Variants in SAMD12 observed in about 807,000 individuals in gnomAD.
SAMD12 encodes sterile alpha motif domain containing 12, also known as sterile alpha motif domain-containing protein 12.
A neutral mutation model predicts 15.0 loss-of-function variants in SAMD12; 9 were observed. That is an observed-to-expected ratio of 0.60 (90% CI 0.36 to 1.05). The LOEUF is 1.05. SAMD12 is among the 50% of genes least tolerant of loss of function. The probability of loss-of-function intolerance (pLI) is 0.01; values close to 1 mark genes in which losing one functional copy is unlikely to be tolerated. For synonymous variants in SAMD12, 86 were observed against 90.1 expected (o/e 0.96, Z 0.25); for missense variants, 230 against 234.2 (o/e 0.98, Z 0.12).
At chr8:118,175,734 A>C in the SAMD12 span, among the ~76,000 whole-genome samples, 1 of 152,242 alleles carries the variant, frequency 6.6e-6, no homozygotes, top group Non-Finnish European at 1.5e-5. Context: ...AAACATGAAA[A>C]AATGCTCAAT....
Position 118,269,214 on chromosome 8 carries a change from CTCTCTCTG to C in SAMD12, c.434-71490_434-71483del, listed in dbSNP as rs1447637114. ...TTTTGTTCTCTCTCTCTCTCTCTCT[CTCTCTCTG>C]TGTGTGTGTGTGTGTGTGTGTGTGT... On this transcript the variant is annotated intron_variant, in intron 4 of 4. Coordinates refer to the SAMD12 transcript ENST00000409003. Among the ~76,000 whole-genome samples, 20 of 118,050 alleles carry C rather than the reference CTCTCTCTG, an allele frequency of 1.7e-4. 1 individual carries two copies. Among genetic ancestry groups the C allele is most frequent in the African/African-American group, 4.3e-4 (11 of 25,376 alleles). The allele number at this position is 118,050 out of a possible 152,430, so 77.4% of individuals were successfully genotyped here.
At chr8:118,343,367 G>A (rs551462405) in intron 4 of SAMD12, among the ~76,000 whole-genome samples, 1 of 144,452 alleles carries the variant, frequency 6.9e-6, no homozygotes, top group African/African-American at 2.6e-5. Flanking sequence ...TTTTGGAGGG[G>A]GGGAATCGTT....
chr8:118,243,419 C>T (rs2129978350), intron 4 of SAMD12, among the ~76,000 whole-genome samples: 1 of 152,010 alleles, frequency 6.6e-6, no homozygotes, highest in Non-Finnish European at 1.5e-5. Flanking sequence ...ACTCTGTGCA[C>T]CTGAGATGCA....
At chr8:118,569,536 G>A (rs1250095602) in intron 2 of SAMD12, among the ~76,000 whole-genome samples, 1 of 152,182 alleles carries the variant, frequency 6.6e-6, no homozygotes, top group Non-Finnish European at 1.5e-5. Flanking sequence ...ATAGGTTGAA[G>A]CCCTAACCCC....
downstream of SAMD12, among the ~76,000 whole-genome samples, chr8:118,185,091 T>C (rs1307605520): frequency 6.6e-6 from 1 of 152,156 alleles, no homozygotes; most frequent in African/African-American, 2.4e-5. Flanking sequence ...TTTTGTTTTC[T>C]TTGAAAAACT....
intron 2 of SAMD12, among the ~76,000 whole-genome samples, chr8:118,550,552 C>G (rs1039462282): frequency 6.6e-6 from 1 of 152,096 alleles, no homozygotes; most frequent in Non-Finnish European, 1.5e-5. Context: ...AAGGAACAAC[C>G]GGTACCAGCC....
At chr8:118,617,616 A>T (rs1828270117) in intron 1 of SAMD12, among the ~76,000 whole-genome samples, 1 of 152,198 alleles carries the variant, frequency 6.6e-6, no homozygotes, top group Non-Finnish European at 1.5e-5. Context: ...CTGGAATAGA[A>T]ATTACCATGT....
At chr8:118,397,192 C>G (rs1371863783) in intron 3 of SAMD12, among the ~76,000 whole-genome samples, 17 of 152,288 alleles carry the variant, frequency 1.1e-4, no homozygotes, top group Non-Finnish European at 1.2e-4. Context: ...GAGCCACCAT[C>G]ATTAGAACTG....
intron 3 of SAMD12, among the ~76,000 whole-genome samples, chr8:118,392,038 T>C (rs1391525189): frequency 6.6e-6 from 1 of 152,124 alleles, no homozygotes; most frequent in African/African-American, 2.4e-5. Context: ...AATTTACCTG[T>C]CTAGGATTGC....
At chr8:118,535,221 C>A (rs866767473) in intron 2 of SAMD12, among the ~76,000 whole-genome samples, 1 of 152,150 alleles carries the variant, frequency 6.6e-6, no homozygotes, top group Non-Finnish European at 1.5e-5. Flanking sequence ...CACTCCAGAC[C>A]CTGTTTGCCT....
At position 118,379,638 on chromosome 8, in the gene SAMD12, G is replaced by C; in HGVS notation, c.385C>G (p.Leu129Val). 6.2e-7 allele frequency: 1 copy of C among 1,613,896 alleles called. No individual in the cohort carries two copies. Among genetic ancestry groups the C allele is most frequent in the Non-Finnish European group, 8.5e-7 (1 of 1,179,858 alleles). ...LERMGIAQEN[L>V]RQHILQQVLQ... The stretch of plus-strand genomic sequence containing the variant: ...ACCTGTTGTAAGATGTGCTGCCGGA[G>C]GTTCTCCTGGGCAATCCCCATTCGC... Residue 129 changes from leucine to valine, a missense_variant, in exon 4 of 4, where the codon CTC (leucine) becomes GTC (valine). Physicochemically the swap from Leu to Val is conservative, Grantham distance 32. Transcript: ENST00000314727.
intron 1 of SAMD12, chr8:118,621,538 A>C: frequency 4.1e-6 from 2 of 487,692 alleles, no homozygotes; most frequent in South Asian, 3.6e-5. Flanking sequence ...TTTCCAGGAT[A>C]TCGTTTCGCA....
intron 2 of SAMD12, among the ~76,000 whole-genome samples, chr8:118,481,048 T>C (rs1824110772): frequency 6.6e-6 from 1 of 152,228 alleles, no homozygotes. Flanking sequence ...GTTCAAGCGA[T>C]TCTCCTGCCT....
intron 3 of SAMD12, among the ~76,000 whole-genome samples, chr8:118,423,368 G>T (rs1822097702): frequency 6.6e-6 from 1 of 152,168 alleles, no homozygotes. Flanking sequence ...AGGCCCTGAA[G>T]TGGTGAGTCC....
intron 3 of SAMD12, among the ~76,000 whole-genome samples, chr8:118,398,404 CA>C (rs1334375481): frequency 6.6e-6 from 1 of 151,664 alleles, no homozygotes; most frequent in East Asian, 1.9e-4. Flanking sequence ...GTCTCAAAAA[CA>C]AAATAAAAAA....
intron 4 of SAMD12, among the ~76,000 whole-genome samples, chr8:118,244,095 G>A (rs1201766709): frequency 6.6e-6 from 1 of 151,994 alleles, no homozygotes; most frequent in Non-Finnish European, 1.5e-5. Flanking sequence ...ATCTTATACA[G>A]GTCTTCATCA....
chr8:118,271,068 A>G (rs1813344766), intron 4 of SAMD12, among the ~76,000 whole-genome samples: 1 of 152,190 alleles, frequency 6.6e-6, no homozygotes, highest in South Asian at 2.1e-4. Flanking sequence ...TTGAATGCAT[A>G]GAAAGAATGT....
intron 4 of SAMD12, among the ~76,000 whole-genome samples, chr8:118,312,027 A>C (rs1815657416): frequency 6.6e-6 from 1 of 152,130 alleles, no homozygotes; most frequent in African/African-American, 2.4e-5. Flanking sequence ...GCTTGACATC[A>C]GTTGGCCTCC....
intron 1 of SAMD12, chr8:118,621,013 A>G (rs1828387895): frequency 6.6e-6 from 1 of 152,110 alleles, no homozygotes; most frequent in Non-Finnish European, 1.5e-5. Context: ...TTTGTGTTCC[A>G]AGGTAAGATA....
Sources: gnomAD v4.1 joint callset for allele counts (sites outside exome capture counted in the v4.1 genomes callset) on GRCh38, gnomAD v4.1.1 for gene constraint, MANE v1.5 for transcripts, NCBI Gene and HGNC (gene_info 2026-07-23, HGNC 2026-07-21) for gene names.